TMTC1: variants seen among roughly 807,000 people sequenced by gnomAD.
TMTC1 encodes protein O-mannosyl-transferase TMTC1.
A neutral mutation model predicts 104.8 loss-of-function variants in TMTC1; 73 were observed. That is an observed-to-expected ratio of 0.70 (90% CI 0.58 to 0.85). TMTC1 has a LOEUF of 0.85. Among genes scored for constraint, TMTC1 ranks in the 40% least tolerant of loss-of-function variants. The pLI is 0.00. For synonymous variants in TMTC1, 434 were observed against 428.7 expected (o/e 1.01, Z -0.15); for missense variants, 1,035 against 1,096.1 (o/e 0.94, Z 0.79).
intron 7 of TMTC1, among the ~76,000 whole-genome samples, chr12:29,587,020 C>T (rs544810832): frequency 2.0e-5 from 3 of 152,232 alleles, no homozygotes; most frequent in African/African-American, 7.2e-5. Context: ...GTACCAGCTC[C>T]TCCTTGTAAC....
intron 5 of TMTC1, among the ~76,000 whole-genome samples, chr12:29,713,285 C>G (rs189774792): frequency 9.0e-4 from 127 of 141,778 alleles, no homozygotes; most frequent in Non-Finnish European, 1.4e-3. Context: ...AAATAAATCT[C>G]TCTACATAAA....
chr12:29,541,764 T>C (rs1944805649), intron 10 of TMTC1, among the ~76,000 whole-genome samples: 1 of 147,836 alleles, frequency 6.8e-6, no homozygotes, highest in Non-Finnish European at 1.5e-5. Flanking sequence ...GTTCAAGCAA[T>C]TCTCCTGCCT....
At chr12:29,730,129 A>G (rs945125446) in intron 5 of TMTC1, among the ~76,000 whole-genome samples, 1 of 152,178 alleles carries the variant, frequency 6.6e-6, no homozygotes, top group African/African-American at 2.4e-5. Context: ...TGTGGATCCA[A>G]ATCTACTCAT....
At chr12:29,566,045 G>A (rs967207033) in intron 9 of TMTC1, among the ~76,000 whole-genome samples, 1 of 152,146 alleles carries the variant, frequency 6.6e-6, no homozygotes, top group Non-Finnish European at 1.5e-5. Flanking sequence ...TAGAGCGGAG[G>A]GTGATAAATG....
At chr12:29,551,538 AC>A (rs1311869584) in intron 10 of TMTC1, among the ~76,000 whole-genome samples, 4 of 152,108 alleles carry the variant, frequency 2.6e-5, no homozygotes, top group Non-Finnish European at 1.5e-5. Context: ...CCTACCTAAC[AC>A]TCATATTCTA....
In TMTC1 at chr12:29,505,886, A is replaced by C. The variant is rs1943684044; in HGVS notation, c.*960T>G. 1 of 152,120 alleles carries C rather than the reference A, an allele frequency of 6.6e-6. No individual in the cohort carries two copies. The highest frequency in any genetic ancestry group is 2.4e-5 in the African/African-American group (1 of 41,452). The allele number at this position is 152,120 out of a possible 1,614,324, so 9.4% of individuals were successfully genotyped here. ...TAGAATCTATGAAGATTTCTGTGAT[A>C]CATCATAAAGGTTCCTCAATGGTTC... On this transcript the variant is annotated 3_prime_UTR_variant, in exon 18 of 18. Coordinates refer to ENST00000539277, the MANE Select transcript of TMTC1 (RefSeq NM_001193451.2).
chr12:29,719,849 C>A (rs1207635908), intron 5 of TMTC1, among the ~76,000 whole-genome samples: 4 of 152,172 alleles, frequency 2.6e-5, no homozygotes, highest in African/African-American at 9.7e-5. Flanking sequence ...TTTTATCTGG[C>A]AGTTTTTATT....
chr12:29,506,597 A>G lies in TMTC1; in HGVS notation c.*249T>C, dbSNP rs895287785. 1 of 451,266 alleles carries G rather than the reference A, an allele frequency of 2.2e-6. No individual in the cohort carries two copies. The highest frequency in any genetic ancestry group is 4.0e-6 in the Non-Finnish European group (1 of 250,476). 28.0% of individuals were successfully genotyped at this position (451,266 alleles called of 1,614,324 possible). A position where few individuals can be genotyped will look rare whatever the true frequency, so the allele number is the denominator to read the frequency against. On this transcript the variant is annotated 3_prime_UTR_variant, in exon 18 of 18. Coordinates refer to ENST00000539277, the MANE Select transcript of TMTC1 (RefSeq NM_001193451.2). ...GGAGTTAAACCAAACAAAAATCTGT[A>G]AAATGTGTAAATGTCATTCTCCTTC...
intron 6 of TMTC1, among the ~76,000 whole-genome samples, chr12:29,620,072 T>C (rs1310659138): frequency 6.6e-6 from 1 of 152,216 alleles, no homozygotes; most frequent in African/African-American, 2.4e-5. Flanking sequence ...TGGATTTCTT[T>C]TAATAAAGGC....
intron 5 of TMTC1, among the ~76,000 whole-genome samples, chr12:29,717,083 T>G (rs550560794): frequency 9.9e-5 from 15 of 152,144 alleles, no homozygotes; most frequent in Admixed American, 2.6e-4. Flanking sequence ...TATTGATATA[T>G]TTTTAAAATA....
At position 29,556,914 on chromosome 12, in the gene TMTC1, G is replaced by A; in HGVS notation, c.1619C>T (p.Ala540Val). The A allele has an allele frequency of 6.2e-7, 1 of 1,614,110 alleles. No individual in the cohort carries two copies. The highest frequency in any genetic ancestry group is 8.5e-7 in the Non-Finnish European group (1 of 1,179,964). The change falls in exon 10 of 18, where the codon GCT becomes GTT. Residue 540 changes from alanine (A) to valine (V), a missense_variant. Ala to Val is a moderately conservative substitution (Grantham distance 64). Transcript: ENST00000539277. ...GTTATGCTGTGGATGGAGCTGGAGAGCCCTCTGATAGTACATCTTTGCCTC... is the reference window on the plus strand; with the variant it reads ...GTTATGCTGTGGATGGAGCTGGAGAACCCTCTGATAGTACATCTTTGCCTC... ...TAEAKMYYQR[A>V]LQLHPQHNRA...
chr12:29,765,198 T>C (rs899347725), intron 2 of TMTC1, among the ~76,000 whole-genome samples: 5 of 152,154 alleles, frequency 3.3e-5, no homozygotes, highest in Admixed American at 2.0e-4. Flanking sequence ...ATCTCTCTTA[T>C]TTTTTTCAAT....
intron 1 of TMTC1, among the ~76,000 whole-genome samples, chr12:29,777,343 T>G (rs1943734917): frequency 6.6e-6 from 1 of 152,128 alleles, no homozygotes; most frequent in Admixed American, 6.5e-5. Context: ...TCCGCCCGCC[T>G]CAGTCTCCCA....
chr12:29,615,071 A>C (rs144155291), intron 6 of TMTC1, among the ~76,000 whole-genome samples: 5 of 152,298 alleles, frequency 3.3e-5, no homozygotes, highest in African/African-American at 1.2e-4. Flanking sequence ...ACTTTTTCAT[A>C]CCAAATGCCA....
chr12:29,572,312 G>T, intron 8 of TMTC1, 94 bp from the exon 9 acceptor site: 1 of 1,051,272 alleles, frequency 9.5e-7, no homozygotes, highest in Non-Finnish European at 1.4e-6. Context: ...ACCTGTATTT[G>T]AAATGTCCGT....
At chr12:29,519,472 A>G (rs1944087864) in intron 12 of TMTC1, 2 of 152,220 alleles carry the variant, frequency 1.3e-5, no homozygotes, top group African/African-American at 4.8e-5. Flanking sequence ...TGGTGAAACT[A>G]TATTCAGTAA....
chr12:29,608,979 C>T (rs138814792), intron 6 of TMTC1, among the ~76,000 whole-genome samples: 3 of 152,254 alleles, frequency 2.0e-5, no homozygotes, highest in Non-Finnish European at 4.4e-5. Flanking sequence ...CATGTATGCA[C>T]CTGGCCAGCA....
intron 15 of TMTC1, 74 bp downstream of exon 15, chr12:29,516,275 A>C: frequency 6.6e-7 from 1 of 1,517,340 alleles, no homozygotes. Context: ...AAACACGCAA[A>C]CTGGAGAATC....
At chr12:29,533,762 T>C (rs148661037) in intron 11 of TMTC1, 19 of 152,272 alleles carry the variant, frequency 1.2e-4, no homozygotes, top group African/African-American at 4.3e-4. Context: ...TGGTAGTCAA[T>C]ACACTGTACG....
Sources: allele counts gnomAD v4.1 joint callset (sites outside exome capture counted in the v4.1 genomes callset), GRCh38; gene constraint gnomAD v4.1.1; transcripts MANE v1.5; gene names NCBI Gene and HGNC (gene_info 2026-07-23, HGNC 2026-07-21).